The following ATP8A2 variants were observed in gnomAD, a reference collection of about 807,000 sequenced individuals.
The protein encoded by ATP8A2 is ATPase phospholipid transporting 8A2.
A neutral mutation model predicts 165.6 loss-of-function variants in ATP8A2; 100 were observed. The ratio of observed to expected loss-of-function variants is 0.60; its 90% CI spans 0.51 to 0.71. The LOEUF (loss-of-function observed/expected upper bound fraction) is 0.71. ATP8A2 is among the 30% of genes least tolerant of loss of function. The probability of loss-of-function intolerance (pLI) is 0.00; values close to 1 mark genes in which losing one functional copy is unlikely to be tolerated. For synonymous variants in ATP8A2, 543 were observed against 548.8 expected (o/e 0.99, Z 0.15); for missense variants, 1,227 against 1,479.5 (o/e 0.83, Z 2.80).
Position 26,020,639 on chromosome 13 carries a change from A to G in ATP8A2, c.*654A>G, listed in dbSNP as rs1464635909. On this transcript the variant is annotated 3_prime_UTR_variant, in exon 37 of 37. Coordinates refer to ENST00000381655, the MANE Select transcript of ATP8A2 (RefSeq NM_016529.6). The stretch of plus-strand genomic sequence containing the variant: ...AGTCTTCCGCACCCTCTCCAGGTGC[A>G]CTCGGCCCAGTCCTGCCGCCGTGTC... The G allele has an allele frequency of 6.5e-6, 1 of 152,970 alleles. No homozygotes were observed. The highest frequency in any genetic ancestry group is 1.5e-5 in the Non-Finnish European group (1 of 68,698). 9.5% of individuals were successfully genotyped at this position (152,970 alleles called of 1,614,324 possible). A position where few individuals can be genotyped will look rare whatever the true frequency, so the allele number is the denominator to read the frequency against.
At chr13:25,862,450 A>T (rs915168285) in intron 33 of ATP8A2, 42 bp downstream of exon 33, 2 of 1,483,036 alleles carry the variant, frequency 1.3e-6, no homozygotes, top group Non-Finnish European at 1.9e-6. Flanking sequence ...GTGTCTTGTG[A>T]CAGCAATGTT....
At chr13:25,586,487 C>T (rs1239289600) in intron 23 of ATP8A2, among the ~76,000 whole-genome samples, 1 of 152,178 alleles carries the variant, frequency 6.6e-6, no homozygotes, top group African/African-American at 2.4e-5. Flanking sequence ...GGCCTCAGCT[C>T]CCTGGTTCTC....
chr13:25,807,516 A>C (rs1361779394), intron 27 of ATP8A2, among the ~76,000 whole-genome samples: 1 of 152,116 alleles, frequency 6.6e-6, no homozygotes, highest in Non-Finnish European at 1.5e-5. Flanking sequence ...TTATTCCTGG[A>C]CTCTCAGTTC....
intron 33 of ATP8A2, among the ~76,000 whole-genome samples, chr13:25,955,498 C>T (rs934901745): frequency 3.9e-5 from 6 of 152,210 alleles, no homozygotes; most frequent in Non-Finnish European, 8.8e-5. Flanking sequence ...CTATAAACAC[C>T]TCTATGCAAA....
intron 1 of ATP8A2, among the ~76,000 whole-genome samples, chr13:25,462,484 A>G (rs1566150570): frequency 7.3e-4 from 10 of 13,696 alleles, no homozygotes. Flanking sequence ...GGTCCTGAAC[A>G]TGAAGCTTCT....
chr13:25,925,653 A>C (rs1954581852), intron 33 of ATP8A2, among the ~76,000 whole-genome samples: 1 of 152,208 alleles, frequency 6.6e-6, no homozygotes. Flanking sequence ...AAGGGAACAA[A>C]CATGTAAAAT....
chr13:26,000,656 G>A (rs1446006865), intron 35 of ATP8A2, among the ~76,000 whole-genome samples: 1 of 131,224 alleles, frequency 7.6e-6, no homozygotes, highest in Non-Finnish European at 1.5e-5. Flanking sequence ...ACCTTTCATA[G>A]CAATAGTTCC....
chr13:25,561,146 A>G (rs1246343736), intron 15 of ATP8A2, among the ~76,000 whole-genome samples: 1 of 152,058 alleles, frequency 6.6e-6, no homozygotes, highest in East Asian at 1.9e-4. Context: ...CGGCCTCCCA[A>G]AGTGAATTTT....
chr13:25,971,895 G>A (rs1252616319), intron 35 of ATP8A2, among the ~76,000 whole-genome samples: 3 of 152,062 alleles, frequency 2.0e-5, no homozygotes, highest in African/African-American at 7.2e-5. Context: ...CTGCCTTCCT[G>A]TGCCAGCCAA....
chr13:25,511,035 A>G (rs1016055866), intron 2 of ATP8A2, among the ~76,000 whole-genome samples: 9 of 152,194 alleles, frequency 5.9e-5, no homozygotes, highest in Non-Finnish European at 8.8e-5. Flanking sequence ...GGTTTCTACC[A>G]TATTTCAAAA....
intron 24 of ATP8A2, among the ~76,000 whole-genome samples, chr13:25,650,358 G>A (rs138732043): frequency 1.6e-3 from 250 of 152,226 alleles, no homozygotes; most frequent in African/African-American, 4.2e-3. Context: ...TGCTGATGTC[G>A]TCTGAATTCT....
At position 25,652,867 on chromosome 13, in the gene ATP8A2, G is replaced by A. The variant is rs536283311; in HGVS notation, c.2212-46306G>A. ...TGCCATTCTTCCTTTTATTTGGAATGTTCTTCATCACTGCCCACACTCCCA... is the reference window on the plus strand; with the variant it reads ...TGCCATTCTTCCTTTTATTTGGAATATTCTTCATCACTGCCCACACTCCCA... On this transcript the variant is annotated intron_variant, in intron 24 of 36. Transcript: ENST00000381655. 3.9e-5 allele frequency among the ~76,000 whole-genome samples: 6 copies of A among 152,226 alleles called. No homozygotes were observed. In the East Asian group the frequency reaches 1.2e-3, roughly 29 times the overall value.
chr13:25,565,385 A>C (rs546295721), intron 16 of ATP8A2, among the ~76,000 whole-genome samples: 1 of 152,216 alleles, frequency 6.6e-6, no homozygotes, highest in Non-Finnish European at 1.5e-5. Flanking sequence ...ATCCATGCCA[A>C]CATCTACTGT....
chr13:25,688,141 T>C (rs954126469), intron 24 of ATP8A2, among the ~76,000 whole-genome samples: 1 of 151,722 alleles, frequency 6.6e-6, no homozygotes, highest in Non-Finnish European at 1.5e-5. Flanking sequence ...TGCTGTTGTG[T>C]CGCTGTTTCA....
chr13:25,548,692 T>G (rs1303527321), intron 10 of ATP8A2, among the ~76,000 whole-genome samples: 1 of 152,188 alleles, frequency 6.6e-6, no homozygotes, highest in East Asian at 1.9e-4. Flanking sequence ...TTTAGACTCC[T>G]GAGGATTTTT....
In ATP8A2 at chr13:25,553,793, A is replaced by G. The variant is rs1046402540; in HGVS notation, c.1058A>G (p.Asp353Gly). 6.2e-7 allele frequency: 1 copy of G among 1,611,750 alleles called. No homozygotes were observed. Among genetic ancestry groups the G allele is most frequent in the African/African-American group, 1.3e-5 (1 of 74,962 alleles). ...CAGATACTCTGGTTTCCTTCCACAGACACCACCTCAGATAATTTTGGATAC... is the reference window on the plus strand; with the variant it reads ...CAGATACTCTGGTTTCCTTCCACAGGCACCACCTCAGATAATTTTGGATAC... ...GEKNWYIKKMDTTSDNFGYNL... is the reference protein window; with the variant it reads ...GEKNWYIKKMGTTSDNFGYNL... Residue 353 changes from aspartate (D) to glycine (G), a missense_variant and splice_region_variant, in exon 12 of 37, where the codon GAC becomes GGC. Asp to Gly is a moderately conservative substitution (Grantham distance 94). Around this residue, in one of 5 missense-constraint regions of ATP8A2, gnomAD observed 592 missense variants for 785.6 expected, o/e 0.75. Transcript: ENST00000381655.
rs2039722283 is a variant in ATP8A2, at chr13:25,579,822, T to C, written c.1882T>C (p.Cys628Arg). Reference protein sequence around the residue: ...YFATEGLRTLCVAYADLSENE... With the variant: ...YFATEGLRTLRVAYADLSENE... ...CTGTCTTGCAGGCTTGCGGACTCTC[T>C]GTGTGGCTTATGCTGATCTCTCTGA... The change falls in exon 22 of 37, where the codon TGT becomes CGT. Residue 628 changes from cysteine (C) to arginine (R), a missense_variant. By Grantham distance (180) the Cys-to-Arg change is radical. Coordinates refer to ENST00000381655, the MANE Select transcript of ATP8A2 (RefSeq NM_016529.6). 2 of 1,613,364 alleles carry C rather than the reference T, an allele frequency of 1.2e-6. No individual in the cohort carries two copies. The highest frequency in any genetic ancestry group is 3.3e-5 in the Admixed American group (2 of 59,960).
chr13:25,572,921 A>G (rs2039509326), intron 18 of ATP8A2, among the ~76,000 whole-genome samples: 1 of 152,210 alleles, frequency 6.6e-6, no homozygotes, highest in African/African-American at 2.4e-5. Context: ...AAACCTATAA[A>G]ATATCTTATC....
intron 30 of ATP8A2, among the ~76,000 whole-genome samples, chr13:25,854,399 G>C (rs1183539034): frequency 1.3e-5 from 2 of 152,144 alleles, no homozygotes; most frequent in Non-Finnish European, 2.9e-5. Context: ...GCAGTGGTGT[G>C]ATCATAGCTC....
Sources: gnomAD v4.1 joint callset for allele counts (sites outside exome capture counted in the v4.1 genomes callset) on GRCh38, gnomAD v4.1.1 for gene constraint, gnomAD v4.1.1 regional missense constraint, MANE v1.5 for transcripts, NCBI Gene and HGNC (gene_info 2026-07-23, HGNC 2026-07-21) for gene names.